The following GREB1 variants were observed in gnomAD, a reference collection of about 807,000 sequenced individuals.
The protein encoded by GREB1 is protein GREB1.
GREB1 carries 106 observed loss-of-function variants against 200.7 expected under a neutral mutation model. The observed-to-expected ratio is 0.53, with a 90% CI of 0.45 to 0.62. The LOEUF (loss-of-function observed/expected upper bound fraction) is 0.62, where lower values mean the gene tolerates loss of function less well. GREB1 is among the 20% of genes least tolerant of loss of function. The pLI is 0.00. For missense variants in GREB1, 2,243 were observed against 2,556.8 expected (o/e 0.88, Z 2.65); for synonymous variants, 1,132 against 1,092.4 (o/e 1.04, Z -0.72).
At position 11,511,765 on chromosome 2, in the gene GREB1, C is replaced by T. The variant is rs114187732; in HGVS notation, c.-159+29384C>T. Reference sequence around the variant, plus strand: ...CATATAGCCCAAAGCAAACACTCAGCCTGTTTGCCCTGTATTTTAGACACC... The same window carrying T: ...CATATAGCCCAAAGCAAACACTCAGTCTGTTTGCCCTGTATTTTAGACACC... On this transcript the variant is annotated intron_variant, in intron 1 of 2. Coordinates refer to the GREB1 transcript ENST00000628795. Among the ~76,000 whole-genome samples the T allele has an allele frequency of 6.3e-3, 959 of 152,262 alleles. 16 individuals carry two copies. The highest frequency in any genetic ancestry group is 0.022 in the African/African-American group (898 of 41,558).
At position 11,642,784 on chromosome 2, in the gene GREB1, A is replaced by G. The variant is rs151053697; in HGVS notation, c.*2330A>G. The G allele has an allele frequency of 7.9e-5, 12 of 152,288 alleles. No homozygotes were observed. Among genetic ancestry groups the G allele is most frequent in the African/African-American group, 2.9e-4 (12 of 41,548 alleles). The allele number at this position is 152,288 out of a possible 1,614,324, so 9.4% of individuals were successfully genotyped here. On this transcript the variant is annotated 3_prime_UTR_variant, in exon 33 of 33. Coordinates refer to ENST00000381486, the MANE Select transcript of GREB1 (RefSeq NM_014668.4). ...GTCTTATAAATAAAACTTATAATGC[A>G]TGTATTGTTTTGTTGGTGAGTATTC...
intron 1 of GREB1, among the ~76,000 whole-genome samples, chr2:11,518,723 T>C (rs1166565955): frequency 7.0e-6 from 1 of 142,686 alleles, no homozygotes. Context: ...TGTAGAGCAG[T>C]AGATAGGGCA....
At chr2:11,589,068 G>A (rs902838579) in intron 10 of GREB1, 137 bp downstream of exon 10, 32 of 679,928 alleles carry the variant, frequency 4.7e-5, no homozygotes, top group Non-Finnish European at 6.4e-5. Context: ...CTTCACTGGC[G>A]GGACGTCATG....
intron 7 of GREB1, among the ~76,000 whole-genome samples, chr2:11,583,421 G>T (rs531800376): frequency 6.6e-6 from 1 of 152,306 alleles, no homozygotes; most frequent in East Asian, 1.9e-4. Context: ...AGGAGCCCAC[G>T]GCTTTGAAAG....
chr2:11,488,455 T>C (rs536614502), intron 1 of GREB1, among the ~76,000 whole-genome samples: 1 of 152,336 alleles, frequency 6.6e-6, no homozygotes, highest in Admixed American at 6.5e-5. Context: ...AGATCTTTTG[T>C]TGATCAGGAA....
intron 19 of GREB1, among the ~76,000 whole-genome samples, chr2:11,612,873 C>T (rs1311895317): frequency 6.6e-6 from 1 of 152,218 alleles, no homozygotes; most frequent in African/African-American, 2.4e-5. Context: ...GGTGGAGGCT[C>T]TGCAGGTGGA....
intron 23 of GREB1, among the ~76,000 whole-genome samples, chr2:11,621,622 C>T (rs1215983089): frequency 3.9e-5 from 6 of 152,212 alleles, no homozygotes; most frequent in South Asian, 4.1e-4. Flanking sequence ...CCCAGTGGCT[C>T]ATAAACTTGG....
rs150829863 is a variant in GREB1 at position 11,566,592 on chromosome 2, T to G, written c.390T>G (p.His130Gln). ...TCAAGTCCCCCAGCCTGCCGGACCA[T>G]CTCCTGGTGTGCGCCGTTGACAAGA... ...VGVKSPSLPD[H>Q]LLVCAVDKRF... The change falls in exon 4 of 33, where the codon CAT becomes CAG. Residue 130 changes from histidine (H) to glutamine (Q), a missense_variant. Physicochemically the swap from His to Gln is conservative, Grantham distance 24. Transcript: ENST00000381486. The G allele has an allele frequency of 7.4e-5, 119 of 1,613,978 alleles. No homozygotes were observed. The African/African-American group carries it at 1.5e-3, about 20-fold the overall frequency.
upstream of GREB1, among the ~76,000 whole-genome samples, chr2:11,529,183 C>T (rs1673983203): frequency 6.6e-6 from 1 of 152,070 alleles, no homozygotes; most frequent in African/African-American, 2.4e-5. Flanking sequence ...GCCTGTAAAG[C>T]AGTAAAAAGA....
chr2:11,577,665 C>G (rs896060864), intron 5 of GREB1, among the ~76,000 whole-genome samples: 1 of 152,208 alleles, frequency 6.6e-6, no homozygotes, highest in African/African-American at 2.4e-5. Flanking sequence ...GTCTTCCGGA[C>G]GCTCCCGGGC....
At chr2:11,608,322 G>C (rs907939319) in intron 17 of GREB1, among the ~76,000 whole-genome samples, 14 of 152,160 alleles carry the variant, frequency 9.2e-5, no homozygotes, top group African/African-American at 3.1e-4. Context: ...TACAATAATT[G>C]TTTTAATTTT....
At chr2:11,517,246 G>A (rs537948464) in intron 1 of GREB1, among the ~76,000 whole-genome samples, 5 of 152,276 alleles carry the variant, frequency 3.3e-5, no homozygotes, top group East Asian at 1.9e-4. Flanking sequence ...TGTCTGAGTC[G>A]GTGTTGTGCA....
rs1157776612 is a variant in GREB1, at chr2:11,548,118, A to G, written c.-161-8336A>G. Reference sequence around the variant, plus strand: ...ACTTGAGCCCAGGAGTTGAGGCTACAGTGAGCTGTGACTGCACCACTGCAC... The same window carrying G: ...ACTTGAGCCCAGGAGTTGAGGCTACGGTGAGCTGTGACTGCACCACTGCAC... On this transcript the variant is annotated intron_variant, in intron 1 of 32. Transcript: ENST00000381486. This position sits in a 1 kb window ranked among gnomAD's most constrained non-coding sequence, Gnocchi z 5.1. Among the ~76,000 whole-genome samples the G allele has an allele frequency of 6.6e-6, 1 of 151,888 alleles. No homozygotes were observed. Among genetic ancestry groups the G allele is most frequent in the Non-Finnish European group, 1.5e-5 (1 of 67,962 alleles).
chr2:11,524,404 C>T (rs1673805132), intron 1 of GREB1, among the ~76,000 whole-genome samples: 1 of 152,030 alleles, frequency 6.6e-6, no homozygotes, highest in Non-Finnish European at 1.5e-5. Context: ...GAGGACAGGG[C>T]CAAGAGTCAT....
chr2:11,516,635 A>C (rs923624371), intron 1 of GREB1, among the ~76,000 whole-genome samples: 3 of 152,076 alleles, frequency 2.0e-5, no homozygotes, highest in African/African-American at 7.2e-5. Flanking sequence ...TTTCTTACTA[A>C]GGCTGTGGGC....
At chr2:11,637,243 A>G (rs547180772) in intron 30 of GREB1, among the ~76,000 whole-genome samples, 18 of 152,194 alleles carry the variant, frequency 1.2e-4, no homozygotes, top group African/African-American at 4.1e-4. Flanking sequence ...TTTCTCTAGG[A>G]CTCACGGGAG....
At chr2:11,484,889 A>G (rs1672615676) in intron 1 of GREB1, among the ~76,000 whole-genome samples, 2 of 152,246 alleles carry the variant, frequency 1.3e-5, no homozygotes, top group Admixed American at 6.5e-5. Context: ...TCTTTCGCCC[A>G]GGCTGGAGTA....
Position 11,562,582 on chromosome 2 carries a change from G to C in GREB1, c.277G>C (p.Gly93Arg), listed in dbSNP as rs766732161. 1 of 1,577,722 alleles carries C rather than the reference G, an allele frequency of 6.3e-7. No individual in the cohort carries two copies. The highest frequency in any genetic ancestry group is 8.6e-7 in the Non-Finnish European group (1 of 1,163,002). Residue 93 changes from glycine (G) to arginine (R), a missense_variant and splice_region_variant, in exon 3 of 33, where the codon GGG (glycine) becomes CGG (arginine). Physicochemically the swap from Gly to Arg is moderately radical, Grantham distance 125. Around this residue, in one of 3 missense-constraint regions of GREB1, gnomAD observed 1,178 missense variants for 1,387.4 expected, o/e 0.85. Coordinates refer to ENST00000381486, the MANE Select transcript of GREB1 (RefSeq NM_014668.4). Reference sequence around the variant, plus strand: ...GCCTGAAGGATGCTGTACCACAGACGGTGAGCCTCTGCCAGCTCCTGGCCA... The same window carrying C: ...GCCTGAAGGATGCTGTACCACAGACCGTGAGCCTCTGCCAGCTCCTGGCCA... ...PLPEGCCTTDGFCQAGKDLRL... is the reference protein window; with the variant it reads ...PLPEGCCTTDRFCQAGKDLRL...
intron 17 of GREB1, among the ~76,000 whole-genome samples, chr2:11,607,127 A>G (rs1371878648): frequency 6.6e-6 from 1 of 151,688 alleles, no homozygotes; most frequent in Admixed American, 6.6e-5. Context: ...GCCGTTGCCC[A>G]GGCTGAAGTG....
Sources: allele counts gnomAD v4.1 joint callset (sites outside exome capture counted in the v4.1 genomes callset), GRCh38; gene constraint gnomAD v4.1.1; regional missense constraint gnomAD v4.1.1; non-coding constraint Gnocchi (gnomAD v3.1); transcripts MANE v1.5; gene names NCBI Gene and HGNC (gene_info 2026-07-23, HGNC 2026-07-21).